The following DGKI variants were observed in gnomAD, a reference collection of about 807,000 sequenced individuals.
The protein encoded by DGKI is diacylglycerol kinase iota.
Under a neutral mutation model 147.5 loss-of-function variants are expected in DGKI, and 55 were observed. The ratio of observed to expected loss-of-function variants is 0.37; its 90% CI spans 0.30 to 0.47. DGKI has a LOEUF of 0.47. Among genes scored for constraint, DGKI ranks in the 20% least tolerant of loss-of-function variants. DGKI has a pLI of 1.00. For missense variants in DGKI, 1,007 were observed against 1,323.8 expected, an observed-to-expected ratio of 0.76 and a Z score of 3.71; for synonymous variants, 469 against 477.1, an observed-to-expected ratio of 0.98 and a Z score of 0.22.
intron 20 of DGKI, among the ~76,000 whole-genome samples, chr7:137,548,572 CTG>C (rs1180666053): frequency 2.0e-5 from 3 of 151,886 alleles, no homozygotes; most frequent in Non-Finnish European, 2.9e-5. Context: ...TCTGCCCTGA[CTG>C]TAAACTTCCT....
chr7:137,625,429 T>C (rs1407643881), intron 6 of DGKI, among the ~76,000 whole-genome samples: 6 of 151,814 alleles, frequency 4.0e-5, no homozygotes, highest in Non-Finnish European at 8.8e-5. Context: ...TACTGCCCCC[T>C]AGCCTGAGGG....
At chr7:137,699,584 T>A (rs1226275999) in intron 1 of DGKI, among the ~76,000 whole-genome samples, 1 of 152,124 alleles carries the variant, frequency 6.6e-6, no homozygotes, top group African/African-American at 2.4e-5. Context: ...AAAAAGATAA[T>A]CCAGAATTGA....
At chr7:137,477,397 A>G (rs1347119021) in intron 23 of DGKI, among the ~76,000 whole-genome samples, 2 of 152,178 alleles carry the variant, frequency 1.3e-5, no homozygotes, top group African/African-American at 4.8e-5. Flanking sequence ...CATTTCTGTT[A>G]TGATTTTATT....
intron 1 of DGKI, among the ~76,000 whole-genome samples, chr7:137,800,504 C>T (rs1019797486): frequency 6.6e-6 from 1 of 152,106 alleles, no homozygotes; most frequent in African/African-American, 2.4e-5. Flanking sequence ...CTTCGATTTC[C>T]GCCATGATTG....
rs1563126028 is a variant in DGKI at position 137,638,632 on chromosome 7, G to GTCTATATACACATATATGTA, written c.804+6839_804+6840insTACATATATGTGTATATAGA. Among the ~76,000 whole-genome samples the GTCTATATACACATATATGTA allele has an allele frequency of 1.3e-4, 4 of 31,472 alleles. 2 individuals carry two copies. The highest frequency in any genetic ancestry group is 1.9e-4 in the Non-Finnish European group (4 of 20,854). The allele number at this position is 31,472 out of a possible 152,430, so 20.6% of individuals were successfully genotyped here. On this transcript the variant is annotated intron_variant, in intron 6 of 32. Coordinates refer to ENST00000614521, the MANE Select transcript of DGKI (RefSeq NM_001321708.2). ...TATATACACACACACATATATATGT[G>GTCTATATACACATATATGTA]TGTATATATGTGTATGTATATACAC... is the stretch of plus-strand genomic sequence containing the variant.
intron 6 of DGKI, among the ~76,000 whole-genome samples, chr7:137,635,848 C>T (rs1358627543): frequency 6.6e-6 from 1 of 152,162 alleles, no homozygotes; most frequent in Non-Finnish European, 1.5e-5. Flanking sequence ...CCTACTGTGG[C>T]CCACTTTGGG....
intron 23 of DGKI, among the ~76,000 whole-genome samples, chr7:137,482,151 C>G (rs1034334786): frequency 1.3e-5 from 2 of 152,018 alleles, no homozygotes; most frequent in Non-Finnish European, 2.9e-5. Context: ...ATAATACACA[C>G]ACCTAGAAAA....
Position 137,381,829 on chromosome 7 carries a change from C to T in DGKI, c.*9391G>A, listed in dbSNP as rs894005102. 5.3e-5 allele frequency: 8 copies of T among 152,082 alleles called. No individual in the cohort carries two copies. Among genetic ancestry groups the T allele is most frequent in the Non-Finnish European group, 1.0e-4 (7 of 68,008 alleles). 9.4% of individuals were successfully genotyped at this position (152,082 alleles called of 1,614,324 possible). A position where few individuals can be genotyped will look rare whatever the true frequency, so the allele number is the denominator to read the frequency against. On this transcript the variant is annotated 3_prime_UTR_variant, in exon 33 of 33. Transcript: ENST00000614521. ...ATTCTGTTGTGTTAGAATATTTTGT[C>T]TATGAGAGTTCTAAATCTCCTTCCC... is the stretch of plus-strand genomic sequence containing the variant.
intron 8 of DGKI, among the ~76,000 whole-genome samples, chr7:137,618,486 A>G (rs1256913384): frequency 2.6e-5 from 4 of 151,986 alleles, no homozygotes; most frequent in South Asian, 4.2e-4. Flanking sequence ...CCACTTCATA[A>G]CAAGACTCTT....
In DGKI at chr7:137,383,804, C is replaced by T. The variant is rs1811114252; in HGVS notation, c.*7416G>A. The T allele has an allele frequency of 6.6e-6, 1 of 151,964 alleles. No homozygotes were observed. Among genetic ancestry groups the T allele is most frequent in the African/African-American group, 2.4e-5 (1 of 41,386 alleles). 9.4% of individuals were successfully genotyped at this position (151,964 alleles called of 1,614,324 possible). On this transcript the variant is annotated 3_prime_UTR_variant, in exon 33 of 33. Transcript: ENST00000614521. ...CCCTGCAGAATTTGAAACTAACAGT[C>T]CTACTTAACCTAACTCCTCTACATA...
At chr7:137,541,118 T>C (rs1260741358) in intron 20 of DGKI, among the ~76,000 whole-genome samples, 1 of 152,150 alleles carries the variant, frequency 6.6e-6, no homozygotes, top group East Asian at 1.9e-4. Flanking sequence ...GGAAGAATAA[T>C]GCAACCAGAT....
intron 5 of DGKI, among the ~76,000 whole-genome samples, chr7:137,653,641 C>T (rs1822115867): frequency 6.6e-6 from 1 of 152,206 alleles, no homozygotes; most frequent in South Asian, 2.1e-4. Context: ...TAATTGCCGC[C>T]TCTTCCAGGA....
At chr7:137,773,393 C>G (rs930350056) in intron 1 of DGKI, among the ~76,000 whole-genome samples, 3 of 152,190 alleles carry the variant, frequency 2.0e-5, no homozygotes, top group Non-Finnish European at 2.9e-5. Context: ...AAACACATTA[C>G]TGCCTTAGAG....
chr7:137,587,066 G>A (rs911465969), intron 13 of DGKI, 31 bp downstream of exon 13: 2 of 1,476,128 alleles, frequency 1.4e-6, no homozygotes, highest in South Asian at 1.4e-5. Context: ...GTTGTTTGAT[G>A]ATATGGGCAG....
At chr7:137,609,747 G>A in intron 8 of DGKI, 138 bp from the exon 9 acceptor site, 1 of 628,634 alleles carries the variant, frequency 1.6e-6, no homozygotes, top group Middle Eastern at 4.2e-4. Context: ...CCAAGCCACT[G>A]TTCATGGATA....
At chr7:137,630,341 T>G (rs1821085819) in intron 6 of DGKI, among the ~76,000 whole-genome samples, 1 of 152,192 alleles carries the variant, frequency 6.6e-6, no homozygotes, top group African/African-American at 2.4e-5. Context: ...AATCACAATA[T>G]ATTATTAATC....
intron 21 of DGKI, among the ~76,000 whole-genome samples, chr7:137,490,006 C>G (rs897761159): frequency 2.0e-5 from 3 of 152,222 alleles, no homozygotes; most frequent in South Asian, 2.1e-4. Context: ...TCATTCATCT[C>G]TAATATGGGT....
At chr7:137,539,306 T>A (rs28736349) in intron 20 of DGKI, among the ~76,000 whole-genome samples, 9,044 of 152,128 alleles carry the variant, frequency 0.059, 664 homozygotes, top group African/African-American at 0.17. Flanking sequence ...ACCCTTAGCT[T>A]TCTGGCACAA....
At chr7:137,765,832 C>G (rs937234659) in intron 1 of DGKI, among the ~76,000 whole-genome samples, 1 of 152,246 alleles carries the variant, frequency 6.6e-6, no homozygotes, top group East Asian at 1.9e-4. Flanking sequence ...AACCTTCCCA[C>G]TGGCTAAAGA....
Sources: gnomAD v4.1 joint callset for allele counts (sites outside exome capture counted in the v4.1 genomes callset) on GRCh38, gnomAD v4.1.1 for gene constraint, MANE v1.5 for transcripts, NCBI Gene and HGNC (gene_info 2026-07-23, HGNC 2026-07-21) for gene names.